The following DCLRE1C variants were observed in gnomAD, a reference collection of about 807,000 sequenced individuals.
DCLRE1C encodes DNA cross-link repair 1C.
In DCLRE1C, 47 loss-of-function variants were observed where a neutral mutation model predicts 61.4. That is an observed-to-expected ratio of 0.77 (90% CI 0.61 to 0.98). DCLRE1C has a LOEUF of 0.98. DCLRE1C is among the 50% of genes least tolerant of loss of function. The pLI, the probability that DCLRE1C is intolerant of heterozygous loss-of-function variation, is 0.00. For synonymous variants in DCLRE1C, 337 were observed against 287.6 expected (o/e 1.17, Z -1.74); for missense variants, 858 against 816.0 (o/e 1.05, Z -0.63).
At chr10:14,951,988 T>C (rs1333580541) in intron 1 of DCLRE1C, among the ~76,000 whole-genome samples, 1 of 152,214 alleles carries the variant, frequency 6.6e-6, no homozygotes, top group Non-Finnish European at 1.5e-5. Context: ...TCACCCTTGA[T>C]GAGTTTATGT....
chr10:14,954,159 C>G (rs1011151167), upstream of DCLRE1C: 104 of 1,392,490 alleles, frequency 7.5e-5, no homozygotes, highest in African/African-American at 4.6e-4. Flanking sequence ...GTCCGGAGAC[C>G]GGGGGCAAAG....
intron 11 of DCLRE1C, 132 bp downstream of exon 11, chr10:14,926,711 A>T: frequency 1.4e-6 from 1 of 722,928 alleles, no homozygotes; most frequent in Non-Finnish European, 2.4e-6. Context: ...TGCATTTAGG[A>T]AAAAAAAACT....
downstream of DCLRE1C, among the ~76,000 whole-genome samples, chr10:14,901,474 C>G (rs758129149): frequency 6.6e-6 from 1 of 152,002 alleles, no homozygotes; most frequent in African/African-American, 2.4e-5. Context: ...GGTTCTACAT[C>G]GTAAATTTTC....
intron 13 of DCLRE1C, among the ~76,000 whole-genome samples, chr10:14,914,703 G>A (rs890932688): frequency 6.6e-6 from 1 of 152,124 alleles, no homozygotes; most frequent in African/African-American, 2.4e-5. Flanking sequence ...CCAACATTTT[G>A]GGAGGCAGGT....
intron 5 of DCLRE1C, among the ~76,000 whole-genome samples, chr10:14,936,178 G>A (rs1839877846): frequency 6.6e-6 from 1 of 152,068 alleles, no homozygotes; most frequent in Admixed American, 6.6e-5. Flanking sequence ...ACAGGTGTGA[G>A]CCACCACACC....
At chr10:14,912,693 C>CT (rs559830531) in intron 13 of DCLRE1C, among the ~76,000 whole-genome samples, 51 of 152,124 alleles carry the variant, frequency 3.4e-4, no homozygotes, top group Non-Finnish European at 6.8e-4. Context: ...TGTATAATTT[C>CT]TTTTTTTTCT....
chr10:14,934,549 C>T lies in DCLRE1C; in HGVS notation c.538-29G>A, dbSNP rs1274370397. Reference sequence around the variant, plus strand: ...GACAGGATTTTAAAGAGACATTTAACAGGTGGAGAGCCGCACATAGCCTTT... The same window carrying T: ...GACAGGATTTTAAAGAGACATTTAATAGGTGGAGAGCCGCACATAGCCTTT... On this transcript the variant is annotated intron_variant, in intron 7 of 13. Coordinates refer to ENST00000378278, the MANE Select transcript of DCLRE1C (RefSeq NM_001033855.3). 5.6e-6 allele frequency: 9 copies of T among 1,613,976 alleles called. No homozygotes were observed. In the African/African-American group the frequency reaches 1.1e-4, roughly 19 times the overall value.
intron 13 of DCLRE1C, among the ~76,000 whole-genome samples, chr10:14,918,144 G>T (rs947778130): frequency 6.6e-6 from 1 of 152,160 alleles, no homozygotes; most frequent in African/African-American, 2.4e-5. Flanking sequence ...CCATTCTTAG[G>T]TGTGAAAGCC....
At chr10:14,900,995 A>G (rs1407591103), downstream of DCLRE1C, 2 of 1,127,746 alleles carry the variant, frequency 1.8e-6, no homozygotes, top group Non-Finnish European at 2.5e-6. Context: ...GCATGCCTCA[A>G]AGACCTCTAA....
At chr10:14,951,320 G>T (rs1429861631) in intron 1 of DCLRE1C, among the ~76,000 whole-genome samples, 3 of 145,432 alleles carry the variant, frequency 2.1e-5, no homozygotes, top group Non-Finnish European at 4.5e-5. Flanking sequence ...AGTCCAGGAG[G>T]TGAAGGCTGC....
chr10:14,898,960 G>C (rs1345940546), exon 14 of DCLRE1C: 2 of 457,606 alleles, frequency 4.4e-6, no homozygotes, highest in Non-Finnish European at 7.8e-6. Context: ...GAGAGCTATA[G>C]TTGTATAGCT....
downstream of DCLRE1C, chr10:14,902,321 T>C (rs902907429): frequency 3.4e-6 from 3 of 890,816 alleles, no homozygotes; most frequent in Non-Finnish European, 5.1e-6. Context: ...TCACTGATAA[T>C]AAAGCTAATA....
intron 13 of DCLRE1C, among the ~76,000 whole-genome samples, chr10:14,914,680 C>T (rs947404470): frequency 3.9e-5 from 6 of 152,150 alleles, no homozygotes; most frequent in Non-Finnish European, 7.3e-5. Flanking sequence ...TGTGGTGGCT[C>T]ACGCCTGTAA....
chr10:14,899,283 G>A lies in DCLRE1C; in HGVS notation c.1186C>T (p.Arg396Trp), dbSNP rs904972641. The A allele has an allele frequency of 1.2e-4, 82 of 702,088 alleles. 1 individual carries two copies. The highest frequency in any genetic ancestry group is 7.3e-4 in the African/African-American group (42 of 57,268). The allele number at this position is 702,088 out of a possible 1,614,324, so 43.5% of individuals were successfully genotyped here. A position where few individuals can be genotyped will look rare whatever the true frequency, so the allele number is the denominator to read the frequency against. Reference sequence around the variant, plus strand: ...TACAGGGAGTCATGATGGCACCACCGCATTCTAGCCTGAGTGACAGAGTGA... The same window carrying A: ...TACAGGGAGTCATGATGGCACCACCACATTCTAGCCTGAGTGACAGAGTGA... Residue 396 changes from arginine to tryptophan, a missense_variant, in exon 14 of 14, where the codon CGG becomes TGG. Physicochemically the swap from Arg to Trp is moderately radical, Grantham distance 101. Coordinates refer to the DCLRE1C transcript ENST00000378289.
At chr10:14,910,237 T>C (rs1052184482) in intron 13 of DCLRE1C, among the ~76,000 whole-genome samples, 1 of 152,154 alleles carries the variant, frequency 6.6e-6, no homozygotes, top group Admixed American at 6.5e-5. Context: ...CCCAACCTCA[T>C]TCTTAAAGGT....
At position 14,932,714 on chromosome 10, in the gene DCLRE1C, A is replaced by G. The variant is rs1044533188; in HGVS notation, c.780+140T>C. The G allele has an allele frequency of 6.4e-6, 6 of 937,626 alleles. No homozygotes were observed. In the African/African-American group the frequency reaches 9.6e-5, roughly 15 times the overall value. The allele number at this position is 937,626 out of a possible 1,614,324, so 58.1% of individuals were successfully genotyped here. Reference sequence around the variant, plus strand: ...ATGGAATATGGCAATGTACAGTTCCATGACCTTGAGCTAACAACTTAGGAT... The same window carrying G: ...ATGGAATATGGCAATGTACAGTTCCGTGACCTTGAGCTAACAACTTAGGAT... On this transcript the variant is annotated intron_variant, in intron 9 of 13. Coordinates refer to ENST00000378278, the MANE Select transcript of DCLRE1C (RefSeq NM_001033855.3).
At chr10:14,934,915 C>T (rs753248114) in intron 6 of DCLRE1C, 140 bp from the exon 7 acceptor site, 7 of 676,554 alleles carry the variant, frequency 1.0e-5, no homozygotes, top group African/African-American at 5.3e-5. Context: ...CTCCACCTCC[C>T]GGGTTCAAGC....
intron 12 of DCLRE1C, among the ~76,000 whole-genome samples, chr10:14,922,489 G>A (rs536668766): frequency 6.6e-6 from 1 of 151,258 alleles, no homozygotes; most frequent in East Asian, 1.9e-4. Flanking sequence ...ACCCAAAGAA[G>A]AGGTAAGAAA....
intron 12 of DCLRE1C, chr10:14,920,406 GCCT>G (rs1245329264): frequency 1.2e-5 from 12 of 1,010,254 alleles, no homozygotes; most frequent in African/African-American, 1.7e-5. Flanking sequence ...ACTGCCAACT[GCCT>G]CCTCCTGGCA....
Sources: gnomAD v4.1 joint callset for allele counts (sites outside exome capture counted in the v4.1 genomes callset) on GRCh38, gnomAD v4.1.1 for gene constraint, MANE v1.5 for transcripts, NCBI Gene and HGNC (gene_info 2026-07-23, HGNC 2026-07-21) for gene names.